Variants in TRIM10 observed in about 807,000 individuals in gnomAD.
The protein encoded by TRIM10 is tripartite motif-containing protein 10.
In TRIM10, 42 loss-of-function variants were observed where a neutral mutation model predicts 40.0. That is an observed-to-expected ratio of 1.05 (90% CI 0.82 to 1.36). The LOEUF is 1.36. Ranked by LOEUF, TRIM10 falls within the 40% of genes most tolerant of loss-of-function variation. The pLI is 0.00. For synonymous variants in TRIM10, 260 were observed against 239.5 expected, an observed-to-expected ratio of 1.09 and a Z score of -0.79; for missense variants, 601 against 608.3, an observed-to-expected ratio of 0.99 and a Z score of 0.13.
Position 30,154,605 on chromosome 6 carries a change from T to C in TRIM10, c.929-119A>G, listed in dbSNP as rs1407268279. The C allele has an allele frequency of 5.3e-6, 7 of 1,317,874 alleles. No individual in the cohort carries two copies. The African/African-American group carries it at 1.0e-4, about 19-fold the overall frequency. The allele number at this position is 1,317,874 out of a possible 1,614,324, so 81.6% of individuals were successfully genotyped here. A position where few individuals can be genotyped will look rare whatever the true frequency, so the allele number is the denominator to read the frequency against. Reference sequence around the variant, plus strand: ...TTATTATTACCAAAAACATGTATAGTGCCTACGTGGGCCAACAGTGTGGAA... The same window carrying C: ...TTATTATTACCAAAAACATGTATAGCGCCTACGTGGGCCAACAGTGTGGAA... On this transcript the variant is annotated intron_variant, in intron 6 of 6. Transcript: ENST00000449742.
In TRIM10 at chr6:30,154,403, A is replaced by T; in HGVS notation, c.1012T>A (p.Trp338Arg). Residue 338 changes from tryptophan to arginine, a missense_variant, in exon 7 of 7, where the codon TGG (tryptophan) becomes AGG (arginine). Coordinates refer to ENST00000449742, the MANE Select transcript of TRIM10 (RefSeq NM_006778.4). ...TGGGGGTTGTCTGGTGAGTTCTGCC[A>T]TTTGTAGGAGAACTGAGCTCGCTGG... The part of the protein sequence containing the change: ...DHQRAQFSYK[W>R]QNSPDNPQRF... The T allele has an allele frequency of 6.2e-7, 1 of 1,612,964 alleles. No individual in the cohort carries two copies. Among genetic ancestry groups the T allele is most frequent in the Non-Finnish European group, 8.5e-7 (1 of 1,179,974 alleles).
chr6:30,154,813 G>C (rs918096188), intron 6 of TRIM10: 1 of 616,388 alleles, frequency 1.6e-6, no homozygotes, highest in Non-Finnish European at 3.0e-6. Context: ...TTCCAAAGCT[G>C]TGCGTGCCAG....
In TRIM10 at chr6:30,152,610, T is replaced by C. The variant is rs1305150866; in HGVS notation, c.*1359A>G. 6.6e-6 allele frequency: 1 copy of C among 152,164 alleles called. No homozygotes were observed. The highest frequency in any genetic ancestry group is 1.5e-5 in the Non-Finnish European group (1 of 68,050). 9.4% of individuals were successfully genotyped at this position (152,164 alleles called of 1,614,324 possible). On this transcript the variant is annotated 3_prime_UTR_variant, in exon 7 of 7. Coordinates refer to ENST00000449742, the MANE Select transcript of TRIM10 (RefSeq NM_006778.4). ...GCACGCTGTGCCCTCTGCCTTTGAGTTTGCACCCTGGATGGCTCCCCTCCT... is the reference window on the plus strand; with the variant it reads ...GCACGCTGTGCCCTCTGCCTTTGAGCTTGCACCCTGGATGGCTCCCCTCCT...
intron 1 of TRIM10, among the ~76,000 whole-genome samples, 192 bp downstream of exon 1, chr6:30,160,238 A>G (rs970105711): frequency 1.3e-5 from 2 of 152,202 alleles, no homozygotes; most frequent in Non-Finnish European, 2.9e-5. Context: ...GTTGGCCACA[A>G]GTGAACACAG....
chr6:30,154,560 CT>C, intron 6 of TRIM10, 74 bp from the exon 7 acceptor site: 7 of 1,568,650 alleles, frequency 4.5e-6, no homozygotes, highest in Admixed American at 1.7e-5. Context: ...GAAACTCCCC[CT>C]GGGCCCCTCC....
rs1562129965 is a variant in TRIM10 at position 30,160,742 on chromosome 6, G to A, written c.117C>T (p.Cys39=). The part of the protein sequence containing the change: ...IDCGHNFCRA[C]LTRYCEIPGP... The stretch of plus-strand genomic sequence containing the variant: ...CTGGTATCTCACAGTAGCGGGTAAG[G>A]CAGGCCCGGCAGAAGTTGTGGCCGC... The change falls in exon 1 of 7, where the codon TGC becomes TGT. Residue 39 remains cysteine, a synonymous_variant. Transcript: ENST00000449742. 7 of 1,614,184 alleles carry A rather than the reference G, an allele frequency of 4.3e-6. No homozygotes were observed. Among genetic ancestry groups the A allele is most frequent in the Non-Finnish European group, 5.9e-6 (7 of 1,180,024 alleles).
At chr6:30,159,834 TTAAC>T (rs1562127376) in intron 1 of TRIM10, among the ~76,000 whole-genome samples, 2 of 152,190 alleles carry the variant, frequency 1.3e-5, no homozygotes, top group Admixed American at 6.5e-5. Flanking sequence ...CAACTGCTAA[TTAAC>T]TAATTAAGAC....
intron 6 of TRIM10, among the ~76,000 whole-genome samples, chr6:30,155,458 T>A (rs1269181629): frequency 6.6e-6 from 1 of 152,214 alleles, no homozygotes; most frequent in Non-Finnish European, 1.5e-5. Context: ...ACGAATGTAG[T>A]ATGTGTATGT....
Position 30,158,437 on chromosome 6 carries a change from C to G in TRIM10, c.718G>C (p.Glu240Gln). Residue 240 changes from glutamate (E) to glutamine (Q), a missense_variant, in exon 3 of 7, where the codon GAG (glutamate) becomes CAG (glutamine). Physicochemically the swap from Glu to Gln is conservative, Grantham distance 29 (BLOSUM62 2). Coordinates refer to ENST00000449742, the MANE Select transcript of TRIM10 (RefSeq NM_006778.4). ...CRFSALIEELEEKNERPAREL... is the reference protein window; with the variant it reads ...CRFSALIEELQEKNERPAREL... ...CTTGCTGGCCTCTCATTCTTCTCCT[C>G]CAGTTCTTCAATAAGAGCACTAAAC... 1 of 1,613,110 alleles carries G rather than the reference C, an allele frequency of 6.2e-7. No individual in the cohort carries two copies. The highest frequency in any genetic ancestry group is 1.3e-5 in the African/African-American group (1 of 75,050).
chr6:30,155,624 A>T, intron 6 of TRIM10, 103 bp downstream of exon 6: 1 of 1,001,504 alleles, frequency 1.0e-6, no homozygotes, highest in Non-Finnish European at 1.5e-6. Context: ...GTTTGTTATG[A>T]CTATTGTCAT....
Position 30,153,384 on chromosome 6 carries a change from C to G in TRIM10, c.*585G>C, listed in dbSNP as rs1288698953. 2 of 345,258 alleles carry G rather than the reference C, an allele frequency of 5.8e-6. No homozygotes were observed. Among genetic ancestry groups the G allele is most frequent in the African/African-American group, 4.1e-5 (2 of 48,420 alleles). The allele number at this position is 345,258 out of a possible 1,614,324, so 21.4% of individuals were successfully genotyped here. On this transcript the variant is annotated 3_prime_UTR_variant, in exon 7 of 7. Transcript: ENST00000449742. ...TCCCATAATGCTGGGGTTGGACTTC[C>G]CGTAACACCCACCACACTGTGCTGT...
In TRIM10 at chr6:30,153,930, G is replaced by A. The variant is rs1772253903; in HGVS notation, c.*39C>T. ...GTCCACATGGTACTTGGGTTGATAT[G>A]AGTCCTGTACTTAGAGGAGAGTAGG... On this transcript the variant is annotated 3_prime_UTR_variant, in exon 7 of 7. Coordinates refer to ENST00000449742, the MANE Select transcript of TRIM10 (RefSeq NM_006778.4). 1 of 1,578,362 alleles carries A rather than the reference G, an allele frequency of 6.3e-7. No individual in the cohort carries two copies. Among genetic ancestry groups the A allele is most frequent in the African/African-American group, 1.3e-5 (1 of 74,192 alleles).
At chr6:30,163,434 A>G (rs1408267059), upstream of TRIM10, 4 of 569,082 alleles carry the variant, frequency 7.0e-6, no homozygotes, top group Non-Finnish European at 1.2e-5. Context: ...ATTCTGGGTA[A>G]TTCGAGACGC....
intron 5 of TRIM10, 109 bp from the exon 6 acceptor site, chr6:30,155,868 T>G (rs958468128): frequency 7.6e-6 from 8 of 1,053,326 alleles, no homozygotes; most frequent in Non-Finnish European, 1.1e-5. Context: ...AGAAGAAGAA[T>G]GTAAGCTGGA....
rs1171910070 is a variant in TRIM10, at chr6:30,152,992, G to C, written c.*977C>G. 1.3e-5 allele frequency: 2 copies of C among 152,216 alleles called. No homozygotes were observed. Among genetic ancestry groups the C allele is most frequent in the Non-Finnish European group, 1.5e-5 (1 of 68,082 alleles). 9.4% of individuals were successfully genotyped at this position (152,216 alleles called of 1,614,324 possible). A position where few individuals can be genotyped will look rare whatever the true frequency, so the allele number is the denominator to read the frequency against. On this transcript the variant is annotated 3_prime_UTR_variant, in exon 7 of 7. Coordinates refer to ENST00000449742, the MANE Select transcript of TRIM10 (RefSeq NM_006778.4). Reference sequence around the variant, plus strand: ...TCTTGACCTCAGATGGTAATCAACTGATCAGGAAGACAATTTCCCTAGGGT... The same window carrying C: ...TCTTGACCTCAGATGGTAATCAACTCATCAGGAAGACAATTTCCCTAGGGT...
chr6:30,157,088 A>G (rs1440220585), intron 4 of TRIM10, 34 bp from the exon 5 acceptor site: 1 of 1,591,844 alleles, frequency 6.3e-7, no homozygotes. Context: ...TCTGGGAATT[A>G]TCATCCTTAA....
At position 30,153,687 on chromosome 6, in the gene TRIM10, T is replaced by G. The variant is rs1029227867; in HGVS notation, c.*282A>C. 1 of 1,611,134 alleles carries G rather than the reference T, an allele frequency of 6.2e-7. No homozygotes were observed. The highest frequency in any genetic ancestry group is 8.5e-7 in the Non-Finnish European group (1 of 1,179,250). On this transcript the variant is annotated 3_prime_UTR_variant, in exon 7 of 7. Coordinates refer to ENST00000449742, the MANE Select transcript of TRIM10 (RefSeq NM_006778.4). ...TTCTGACTTCAAATCCAGTGCCCTT[T>G]CTATGCAGCTACTTCTGTGCCAAGC...
rs768234023 is a variant in TRIM10 at position 30,154,375 on chromosome 6, C to T, written c.1040G>A (p.Arg347His). 1.1e-5 allele frequency: 18 copies of T among 1,612,998 alleles called. No individual in the cohort carries two copies. Among genetic ancestry groups the T allele is most frequent in the East Asian group, 2.2e-5 (1 of 44,876 alleles). ...KWQNSPDNPQRFDRATCVLAH... is the reference protein window; with the variant it reads ...KWQNSPDNPQHFDRATCVLAH... Reference sequence around the variant, plus strand: ...CAGAACACAGGTGGCCCGGTCAAAACGTTGGGGGTTGTCTGGTGAGTTCTG... The same window carrying T: ...CAGAACACAGGTGGCCCGGTCAAAATGTTGGGGGTTGTCTGGTGAGTTCTG... The change falls in exon 7 of 7, where the codon CGT (arginine) becomes CAT (histidine). Residue 347 changes from arginine to histidine, a missense_variant. Physicochemically the swap from Arg to His is conservative, Grantham distance 29. Transcript: ENST00000449742.
At chr6:30,160,306 C>G in intron 1 of TRIM10, 124 bp downstream of exon 1, 1 of 1,060,330 alleles carries the variant, frequency 9.4e-7, no homozygotes, top group Non-Finnish European at 1.3e-6. Flanking sequence ...GGTCTATTGC[C>G]TGGGTGATCA....
Sources: gnomAD v4.1 joint callset for allele counts (sites outside exome capture counted in the v4.1 genomes callset) on GRCh38, gnomAD v4.1.1 for gene constraint, MANE v1.5 for transcripts, NCBI Gene and HGNC (gene_info 2026-07-23, HGNC 2026-07-21) for gene names.